Variants in MSI2 observed in about 807,000 individuals in gnomAD.
MSI2 encodes RNA-binding protein Musashi homolog 2.
MSI2 carries 17 observed loss-of-function variants against 45.6 expected under a neutral mutation model. The ratio of observed to expected loss-of-function variants is 0.37; its 90% CI spans 0.26 to 0.56. The LOEUF (loss-of-function observed/expected upper bound fraction) is 0.56, where lower values mean the gene tolerates loss of function less well. Among genes scored for constraint, MSI2 ranks in the 20% least tolerant of loss-of-function variants. The probability of loss-of-function intolerance (pLI) is 0.77; values close to 1 mark genes in which losing one functional copy is unlikely to be tolerated. For missense variants in MSI2, 293 were observed against 444.2 expected, an observed-to-expected ratio of 0.66 and a Z score of 3.06; for synonymous variants, 156 against 158.2, an observed-to-expected ratio of 0.99 and a Z score of 0.11.
At position 57,395,232 on chromosome 17, in the gene MSI2, G is replaced by C. The variant is rs528049090; in HGVS notation, c.313-6147G>C. 1.4e-3 allele frequency among the ~76,000 whole-genome samples: 214 copies of C among 152,180 alleles called. 2 individuals are homozygous for C. Among genetic ancestry groups the C allele is most frequent in the Non-Finnish European group, 2.7e-3 (187 of 68,034 alleles). On this transcript the variant is annotated intron_variant, in intron 5 of 13. Transcript: ENST00000284073. ...TATGTCCAGGATAACTTCATCTCAA[G>C]ATTCTTAACTAATTACATCTGTAAA...
intron 6 of MSI2, among the ~76,000 whole-genome samples, chr17:57,454,997 C>T (rs982040398): frequency 6.6e-6 from 1 of 152,302 alleles, no homozygotes; most frequent in East Asian, 1.9e-4. Context: ...CTATTCCTGC[C>T]ATGACCTTGA....
chr17:57,333,050 C>T (rs532543113), intron 5 of MSI2, among the ~76,000 whole-genome samples: 2 of 151,836 alleles, frequency 1.3e-5, no homozygotes, highest in African/African-American at 2.4e-5. Context: ...AAAAAGAGTA[C>T]GGATGCAAGA....
intron 11 of MSI2, among the ~76,000 whole-genome samples, chr17:57,665,764 C>T (rs962151451): frequency 6.6e-6 from 1 of 152,174 alleles, no homozygotes; most frequent in African/African-American, 2.4e-5. Context: ...CTGGGTGGCC[C>T]CCTGGGTCCA....
intron 7 of MSI2, among the ~76,000 whole-genome samples, chr17:57,591,729 CAAAAA>C (rs60682470): frequency 2.9e-5 from 2 of 69,496 alleles, no homozygotes; most frequent in Non-Finnish European, 3.2e-5. Flanking sequence ...AACCCTGTCT[CAAAAA>C]AAAAAAAAAA....
intron 9 of MSI2, among the ~76,000 whole-genome samples, chr17:57,617,935 G>A (rs1907880847): frequency 6.6e-6 from 1 of 152,050 alleles, no homozygotes; most frequent in East Asian, 1.9e-4. Context: ...GCTGGGCACT[G>A]CAGCACGTGC....
intron 6 of MSI2, among the ~76,000 whole-genome samples, chr17:57,509,878 A>G (rs887009419): frequency 6.6e-6 from 1 of 152,164 alleles, no homozygotes; most frequent in Middle Eastern, 3.4e-3. Flanking sequence ...GATTAGTGTC[A>G]TTCCTGAAGA....
At position 57,682,324 on chromosome 17, in the gene MSI2, C is replaced by CA. The variant is rs888541490; in HGVS notation, c.*2807_*2808insA. Reference sequence around the variant, plus strand: ...TCTACGGCGTTTTGTAGATCCCCCCCCCCCCACCCACTGTGAAGGGGTGCC... The same window carrying CA: ...TCTACGGCGTTTTGTAGATCCCCCCCACCCCCACCCACTGTGAAGGGGTGCC... On this transcript the variant is annotated 3_prime_UTR_variant, in exon 14 of 14. Coordinates refer to ENST00000284073, the MANE Select transcript of MSI2 (RefSeq NM_138962.4). The CA allele has an allele frequency of 4.2e-5, 7 of 165,988 alleles. No homozygotes were observed. The highest frequency in any genetic ancestry group is 2.3e-4 in the South Asian group (1 of 4,324). The allele number at this position is 165,988 out of a possible 1,614,324, so 10.3% of individuals were successfully genotyped here.
rs920685106 is a variant in MSI2 at position 57,548,527 on chromosome 17, G to A, written c.454+18803G>A. Among the ~76,000 whole-genome samples the A allele has an allele frequency of 3.3e-5, 5 of 152,208 alleles. No individual in the cohort carries two copies. In the South Asian group the frequency reaches 8.3e-4, roughly 25 times the overall value. On this transcript the variant is annotated intron_variant, in intron 7 of 13. Transcript: ENST00000284073. ...GCCTTGCTTCCAAGTGATAATGTTC[G>A]CAGGCTCCGGGCCTCTAGGGAGCCT...
chr17:57,639,484 A>G (rs1436113887), intron 10 of MSI2, among the ~76,000 whole-genome samples: 2 of 152,182 alleles, frequency 1.3e-5, no homozygotes, highest in Admixed American at 1.3e-4. Flanking sequence ...ATGCTTTGTG[A>G]GCCGGGGATG....
intron 6 of MSI2, among the ~76,000 whole-genome samples, chr17:57,521,646 G>A (rs2086587178): frequency 6.6e-6 from 1 of 152,130 alleles, no homozygotes; most frequent in Non-Finnish European, 1.5e-5. Flanking sequence ...CATTTACTTA[G>A]GGCCTGTCTA....
In MSI2 at chr17:57,407,741, C is replaced by T. The variant is rs566506856; in HGVS notation, c.405+6270C>T. On this transcript the variant is annotated intron_variant, in intron 6 of 13. Transcript: ENST00000284073. This position sits in a 1 kb window ranked among gnomAD's most constrained non-coding sequence, Gnocchi z 4.1. ...GTAGGCTGGACCAGGAAGGACCATGCGCACGCTCTTCCCTGGCTGAAGGCT... is the reference window on the plus strand; with the variant it reads ...GTAGGCTGGACCAGGAAGGACCATGTGCACGCTCTTCCCTGGCTGAAGGCT... Among the ~76,000 whole-genome samples, 9 of 152,160 alleles carry T rather than the reference C, an allele frequency of 5.9e-5. No homozygotes were observed. Among genetic ancestry groups the T allele is most frequent in the African/African-American group, 1.9e-4 (8 of 41,498 alleles).
intron 10 of MSI2, among the ~76,000 whole-genome samples, chr17:57,650,818 G>GT (rs969396585): frequency 1.3e-5 from 2 of 152,148 alleles, no homozygotes; most frequent in African/African-American, 4.8e-5. Context: ...AGTTCGCTCT[G>GT]TTTGGGGGAG....
intron 6 of MSI2, among the ~76,000 whole-genome samples, chr17:57,506,511 G>A (rs2086232120): frequency 6.6e-6 from 1 of 152,128 alleles, no homozygotes; most frequent in Non-Finnish European, 1.5e-5. Flanking sequence ...GCTCTTTCTG[G>A]TGTGCTCCTG....
chr17:57,347,630 T>C (rs1336824289), intron 5 of MSI2, among the ~76,000 whole-genome samples: 2 of 152,222 alleles, frequency 1.3e-5, no homozygotes, highest in Non-Finnish European at 2.9e-5. Context: ...GTACATGTGA[T>C]GTTCAGCGAG....
chr17:57,454,049 G>T (rs1192985514), intron 6 of MSI2, among the ~76,000 whole-genome samples: 1 of 152,232 alleles, frequency 6.6e-6, no homozygotes, highest in Non-Finnish European at 1.5e-5. Context: ...TACCTGGCAG[G>T]AAGCCCTCAT....
In MSI2 at chr17:57,681,819, T is replaced by TA. The variant is rs11454286; in HGVS notation, c.*2315dup. 17,291 of 172,190 alleles carry TA rather than the reference T, an allele frequency of 0.1. 728 individuals carry two copies. Among genetic ancestry groups the TA allele is most frequent in the East Asian group, 0.2 (2,092 of 10,358 alleles). The allele number at this position is 172,190 out of a possible 1,614,324, so 10.7% of individuals were successfully genotyped here. Reference sequence around the variant, plus strand: ...AAAACAACAAAACATAAGTTTTATTTAAAAAAAAAAAAAGAAAGAAAAAAT... The same window carrying TA: ...AAAACAACAAAACATAAGTTTTATTTAAAAAAAAAAAAAAGAAAGAAAAAAT... On this transcript the variant is annotated 3_prime_UTR_variant, in exon 14 of 14. Coordinates refer to ENST00000284073, the MANE Select transcript of MSI2 (RefSeq NM_138962.4).
At chr17:57,494,937 A>C (rs1307720926) in intron 6 of MSI2, among the ~76,000 whole-genome samples, 1 of 152,186 alleles carries the variant, frequency 6.6e-6, no homozygotes, top group Non-Finnish European at 1.5e-5. Context: ...AAAAAAGAAA[A>C]TTACATTGCA....
chr17:57,651,968 G>T (rs756345932), intron 10 of MSI2, 131 bp from the exon 11 acceptor site: 47 of 784,644 alleles, frequency 6.0e-5, no homozygotes, highest in Middle Eastern at 2.3e-4. Context: ...CTCAAAAGCT[G>T]CCCTGTGAAA....
At chr17:57,614,468 T>A (rs1010097973) in intron 8 of MSI2, among the ~76,000 whole-genome samples, 1 of 152,272 alleles carries the variant, frequency 6.6e-6, no homozygotes, top group Non-Finnish European at 1.5e-5. Context: ...TCAGCAGCTG[T>A]TGAACTATGT....
Sources: allele counts gnomAD v4.1 joint callset (sites outside exome capture counted in the v4.1 genomes callset), GRCh38; gene constraint gnomAD v4.1.1; non-coding constraint Gnocchi (gnomAD v3.1); transcripts MANE v1.5; gene names NCBI Gene and HGNC (gene_info 2026-07-23, HGNC 2026-07-21).